Variants in ABCG1 observed in about 807,000 individuals in gnomAD.
ABCG1 encodes ATP-binding cassette sub-family G member 1.
ABCG1 carries 29 observed loss-of-function variants against 69.2 expected under a neutral mutation model. The observed-to-expected ratio is 0.42, with a 90% CI of 0.31 to 0.57. The LOEUF is 0.57. Ranked by LOEUF, ABCG1 falls within the 20% of genes least tolerant of loss-of-function variation. The pLI, the probability that ABCG1 is intolerant of heterozygous loss-of-function variation, is 0.15. For synonymous variants in ABCG1, 370 were observed against 374.8 expected, an observed-to-expected ratio of 0.99 and a Z score of 0.15; for missense variants, 718 against 898.1, an observed-to-expected ratio of 0.80 and a Z score of 2.56.
rs200786874 is a variant in ABCG1, at chr21:42,291,633, G to A, written c.1630G>A (p.Gly544Arg). Residue 544 changes from glycine (G) to arginine (R), a missense_variant, in exon 13 of 15, where the codon GGA becomes AGA. By Grantham distance (125) the Gly-to-Arg change is moderately radical. Around this residue, in one of 2 missense-constraint regions of ABCG1, gnomAD observed 204 missense variants for 323.8 expected, o/e 0.63. Coordinates refer to ENST00000398449, the MANE Select transcript of ABCG1 (RefSeq NM_016818.3). The surrounding 1 kb of genome is among the most constrained non-coding windows in gnomAD (Gnocchi z 6.4). ...LVAQSLGLLI[G>R]AASTSLQVAT... ...GGCACAGTCCCTGGGCCTGCTGATC[G>A]GAGCCGCCTCCACGTCCCTGCAGGT... The A allele has an allele frequency of 4.4e-6, 7 of 1,605,386 alleles. No individual in the cohort carries two copies. The highest frequency in any genetic ancestry group is 1.6e-4 in the Middle Eastern group (1 of 6,078).
chr21:42,274,992 C>T (rs1003462510), intron 4 of ABCG1, among the ~76,000 whole-genome samples: 3 of 152,114 alleles, frequency 2.0e-5, no homozygotes, highest in African/African-American at 7.2e-5. Context: ...CTTCATGTCT[C>T]TCCTGGCACC....
intron 2 of ABCG1, among the ~76,000 whole-genome samples, chr21:42,245,067 G>A (rs2068111751): frequency 6.6e-6 from 1 of 152,212 alleles, no homozygotes; most frequent in African/African-American, 2.4e-5. Context: ...GGCCTGCAGT[G>A]GGAGCTGAGC....
intron 2 of ABCG1, among the ~76,000 whole-genome samples, chr21:42,232,495 A>T (rs1053376418): frequency 1.3e-5 from 2 of 152,032 alleles, no homozygotes; most frequent in Non-Finnish European, 2.9e-5. Context: ...CAGGTTCTTT[A>T]TTTGGACATG....
intron 10 of ABCG1, 27 bp from the exon 11 acceptor site, chr21:42,290,023 C>G (rs780910105): frequency 6.2e-7 from 1 of 1,614,230 alleles, no homozygotes; most frequent in South Asian, 1.1e-5. Context: ...TGCGAACGCA[C>G]TGGGTAAGAT....
intron 2 of ABCG1, among the ~76,000 whole-genome samples, chr21:42,252,113 G>A (rs1316703525): frequency 1.3e-5 from 2 of 152,212 alleles, no homozygotes; most frequent in Non-Finnish European, 2.9e-5. Context: ...CGGGGGCAAG[G>A]GTTTGATGAG....
At chr21:42,259,485 C>T in intron 2 of ABCG1, 1 of 1,548,060 alleles carries the variant, frequency 6.5e-7, no homozygotes, top group Non-Finnish European at 8.7e-7. Flanking sequence ...CATCATGCCC[C>T]CATCCAACCG....
At chr21:42,268,735 C>G (rs1470811395) in intron 2 of ABCG1, among the ~76,000 whole-genome samples, 1 of 152,200 alleles carries the variant, frequency 6.6e-6, no homozygotes, top group Non-Finnish European at 1.5e-5. Flanking sequence ...TGTGCACTCT[C>G]TGTTTGGTGC....
chr21:42,219,069 G>T, upstream of ABCG1: 1 of 324,662 alleles, frequency 3.1e-6, no homozygotes, highest in Non-Finnish European at 5.0e-6. The surrounding 1 kb of genome is among the most constrained non-coding windows in gnomAD (Gnocchi z 5.3). Flanking sequence ...CCGCCCCCTT[G>T]GTGCCGGCCA....
At chr21:42,206,616 C>T (rs1159723835) in intron 2 of ABCG1, among the ~76,000 whole-genome samples, 1 of 152,074 alleles carries the variant, frequency 6.6e-6, no homozygotes, top group Non-Finnish European at 1.5e-5. Flanking sequence ...GCCACCACAT[C>T]TGGATAATTT....
chr21:42,294,799 C>T, intron 14 of ABCG1, 139 bp downstream of exon 14: 1 of 739,460 alleles, frequency 1.4e-6, no homozygotes, highest in Non-Finnish European at 2.4e-6. Flanking sequence ...TCCAGGCCTT[C>T]CATCTTCCTG....
chr21:42,266,313 T>C (rs1185882001), intron 2 of ABCG1, among the ~76,000 whole-genome samples: 1 of 151,342 alleles, frequency 6.6e-6, no homozygotes, highest in Non-Finnish European at 1.5e-5. Context: ...AATAAATAAA[T>C]AAAATAAAAT....
chr21:42,221,653 T>C (rs1326376398), intron 1 of ABCG1, among the ~76,000 whole-genome samples: 2 of 152,236 alleles, frequency 1.3e-5, no homozygotes, highest in Admixed American at 6.5e-5. Flanking sequence ...TTGGGGGCTC[T>C]TGGTCAGTGC....
chr21:42,273,491 A>G lies in ABCG1; in HGVS notation c.537+56A>G. 2 of 1,559,922 alleles carry G rather than the reference A, an allele frequency of 1.3e-6. No individual in the cohort carries two copies. The highest frequency in any genetic ancestry group is 1.2e-5 in the South Asian group (1 of 85,554). ...CCCCTGCCGCCTGTCCCCAGCGCCC[A>G]CATTAGACACAGCACTGGCCGAGTG... On this transcript the variant is annotated intron_variant, in intron 4 of 14. Coordinates refer to ENST00000398449, the MANE Select transcript of ABCG1 (RefSeq NM_016818.3). The surrounding 1 kb of genome is among the most constrained non-coding windows in gnomAD (Gnocchi z 5.3).
upstream of ABCG1, among the ~76,000 whole-genome samples, chr21:42,217,422 G>A (rs1482938830): frequency 1.3e-5 from 2 of 152,062 alleles, no homozygotes; most frequent in Admixed American, 1.3e-4. Context: ...GAGCGAGATG[G>A]GTCCCAGGGC....
chr21:42,286,092 A>G, intron 8 of ABCG1, 98 bp downstream of exon 8: 1 of 803,424 alleles, frequency 1.2e-6, no homozygotes, highest in Non-Finnish European at 2.1e-6. Context: ...AAACCACTTG[A>G]CTACCACAAA....
In ABCG1 at chr21:42,225,780, G is replaced by A. The variant is rs2067806540; in HGVS notation, c.152G>A (p.Gly51Glu). ...GCCACTGAGACGGACCTGCTGAATG[G>A]ACATCTGAAAAAAGTAGATAATAAC... ...MEATETDLLNGHLKKVDNNLT... is the reference protein window; with the variant it reads ...MEATETDLLNEHLKKVDNNLT... Residue 51 changes from glycine (G) to glutamate (E), a missense_variant, in exon 2 of 15, where the codon GGA becomes GAA. Gly to Glu is a moderately conservative substitution (Grantham distance 98, BLOSUM62 -2). Coordinates refer to ENST00000398449, the MANE Select transcript of ABCG1 (RefSeq NM_016818.3). The A allele has an allele frequency of 1.2e-6, 2 of 1,614,010 alleles. No homozygotes were observed. The highest frequency in any genetic ancestry group is 1.3e-5 in the African/African-American group (1 of 74,964).
chr21:42,202,799 G>A (rs1419013883), intron 2 of ABCG1, among the ~76,000 whole-genome samples: 1 of 151,990 alleles, frequency 6.6e-6, no homozygotes, highest in Non-Finnish European at 1.5e-5. Context: ...TTTTTATAGA[G>A]ATGAGGTCGC....
At position 42,219,805 on chromosome 21, in the gene ABCG1, G is replaced by A. The variant is rs1452724186; in HGVS notation, c.42+501G>A. On this transcript the variant is annotated intron_variant, in intron 1 of 14. Coordinates refer to ENST00000398449, the MANE Select transcript of ABCG1 (RefSeq NM_016818.3). This position sits in a 1 kb window ranked among gnomAD's most constrained non-coding sequence, Gnocchi z 5.3. ...GTCTGGGGGAACAAAAGAGGAAGCT[G>A]CCCCCAGAGAGCCGGAGCCTGCGAC... The A allele has an allele frequency of 2.0e-5, 29 of 1,432,392 alleles. No homozygotes were observed. In the East Asian group the frequency reaches 7.0e-4, roughly 35 times the overall value. The allele number at this position is 1,432,392 out of a possible 1,614,324, so 88.7% of individuals were successfully genotyped here. A position where few individuals can be genotyped will look rare whatever the true frequency, so the allele number is the denominator to read the frequency against.
chr21:42,213,280 C>T (rs1316029765), upstream of ABCG1, among the ~76,000 whole-genome samples: 1 of 152,246 alleles, frequency 6.6e-6, no homozygotes, highest in Non-Finnish European at 1.5e-5. Context: ...CCTGGAGTGC[C>T]TGCAGGACCT....
Sources: gnomAD v4.1 joint callset for allele counts (sites outside exome capture counted in the v4.1 genomes callset) on GRCh38, gnomAD v4.1.1 for gene constraint, gnomAD v4.1.1 regional missense constraint, Gnocchi (gnomAD v3.1) non-coding constraint, MANE v1.5 for transcripts, NCBI Gene and HGNC (gene_info 2026-07-23, HGNC 2026-07-21) for gene names.